The following GPC6 variants were observed in gnomAD, a reference collection of about 807,000 sequenced individuals.
GPC6 encodes the protein glypican-6.
GPC6 carries 14 observed loss-of-function variants against 55.2 expected under a neutral mutation model. The observed-to-expected ratio is 0.25, with a 90% CI of 0.17 to 0.40. The LOEUF (loss-of-function observed/expected upper bound fraction) is 0.40, where lower values mean the gene tolerates loss of function less well. Ranked by LOEUF, GPC6 falls within the 10% of genes least tolerant of loss-of-function variation. The pLI is 1.00. For synonymous variants in GPC6, 278 were observed against 259.6 expected, an observed-to-expected ratio of 1.07 and a Z score of -0.68; for missense variants, 641 against 708.5, an observed-to-expected ratio of 0.90 and a Z score of 1.08.
At chr13:93,552,954 AG>A (rs1409121577) in intron 2 of GPC6, among the ~76,000 whole-genome samples, 7 of 152,240 alleles carry the variant, frequency 4.6e-5, no homozygotes, top group Admixed American at 4.6e-4. Flanking sequence ...ATGAAAATCA[AG>A]AAAAAATATT....
At chr13:94,358,383 A>G (rs1347438432) in intron 6 of GPC6, among the ~76,000 whole-genome samples, 1 of 152,208 alleles carries the variant, frequency 6.6e-6, no homozygotes, top group Non-Finnish European at 1.5e-5. Context: ...TAAAGAAAAT[A>G]AAGACAGATT....
chr13:93,393,581 T>C (rs1052582332), intron 1 of GPC6, among the ~76,000 whole-genome samples: 10 of 152,190 alleles, frequency 6.6e-5, no homozygotes, highest in Admixed American at 2.6e-4. Flanking sequence ...CTTGAAAATA[T>C]ATGTTGCATA....
At chr13:93,669,665 G>A (rs941398196) in intron 2 of GPC6, among the ~76,000 whole-genome samples, 1 of 152,096 alleles carries the variant, frequency 6.6e-6, no homozygotes, top group Non-Finnish European at 1.5e-5. Flanking sequence ...AGGCCTGTGG[G>A]ATGGGCAGTG....
In GPC6 at chr13:94,229,173, A is replaced by G. The variant is rs145952791; in HGVS notation, c.878-57176A>G. Among the ~76,000 whole-genome samples the G allele has an allele frequency of 5.6e-3, 850 of 152,294 alleles. 14 individuals are homozygous for G. The highest frequency in any genetic ancestry group is 0.019 in the African/African-American group (804 of 41,578). On this transcript the variant is annotated intron_variant, in intron 4 of 8. Coordinates refer to ENST00000377047, the MANE Select transcript of GPC6 (RefSeq NM_005708.5). ...TCTCAAACACAGATGTGTTTGATACATTGTTATTTAACATACATTTAATTA... is the reference window on the plus strand; with the variant it reads ...TCTCAAACACAGATGTGTTTGATACGTTGTTATTTAACATACATTTAATTA...
intron 2 of GPC6, among the ~76,000 whole-genome samples, chr13:93,827,088 G>C (rs1887291633): frequency 6.6e-6 from 1 of 152,148 alleles, no homozygotes; most frequent in Middle Eastern, 3.2e-3. Flanking sequence ...TGAGGAAGAA[G>C]AAAAAATCAA....
intron 4 of GPC6, among the ~76,000 whole-genome samples, chr13:94,156,343 A>G (rs1427358908): frequency 1.3e-5 from 2 of 152,178 alleles, no homozygotes; most frequent in Non-Finnish European, 2.9e-5. Context: ...ATAGATCTGA[A>G]AGGGGTAATG....
At chr13:93,942,891 T>C (rs1385011075) in intron 3 of GPC6, among the ~76,000 whole-genome samples, 1 of 152,132 alleles carries the variant, frequency 6.6e-6, no homozygotes, top group Admixed American at 6.5e-5. Context: ...TGCTCAGATT[T>C]TTCTCTAGTT....
intron 4 of GPC6, among the ~76,000 whole-genome samples, chr13:94,150,283 C>T (rs569472456): frequency 1.3e-5 from 2 of 152,174 alleles, no homozygotes; most frequent in East Asian, 3.9e-4. Flanking sequence ...CATTTCTTGC[C>T]TGTATTATTG....
intron 4 of GPC6, among the ~76,000 whole-genome samples, chr13:94,248,265 C>T (rs1166838353): frequency 6.6e-6 from 1 of 152,144 alleles, no homozygotes; most frequent in Non-Finnish European, 1.5e-5. Context: ...ACTGATTTCT[C>T]TGTCCTCACC....
intron 3 of GPC6, among the ~76,000 whole-genome samples, chr13:93,896,977 T>C (rs1338014528): frequency 1.4e-5 from 2 of 138,396 alleles, no homozygotes; most frequent in Non-Finnish European, 3.1e-5. Flanking sequence ...GGTTTAAACC[T>C]CATTATTCTT....
intron 1 of GPC6, among the ~76,000 whole-genome samples, chr13:93,434,811 A>G (rs969971015): frequency 9.9e-5 from 15 of 152,176 alleles, no homozygotes; most frequent in African/African-American, 3.1e-4. Flanking sequence ...GGTTCAAACT[A>G]TTCTCCTGCC....
At chr13:93,457,941 A>T (rs1878527647) in intron 1 of GPC6, among the ~76,000 whole-genome samples, 1 of 152,204 alleles carries the variant, frequency 6.6e-6, no homozygotes, top group African/African-American at 2.4e-5. Flanking sequence ...GCCATTAATT[A>T]GTTCTCCTTT....
At chr13:93,231,336 T>G (rs1192498854) in intron 1 of GPC6, among the ~76,000 whole-genome samples, 965 of 45,692 alleles carry the variant, frequency 0.021, 33 homozygotes, top group African/African-American at 0.066. Flanking sequence ...TATACGTATA[T>G]ATATATATAC....
At chr13:93,428,043 G>A (rs1877214938) in intron 1 of GPC6, among the ~76,000 whole-genome samples, 1 of 152,014 alleles carries the variant, frequency 6.6e-6, no homozygotes, top group Admixed American at 6.6e-5. Context: ...TTTGAGTACA[G>A]CAAACTCAAT....
chr13:93,398,254 A>G lies in GPC6; in HGVS notation c.161-147009A>G, dbSNP rs554215872. On this transcript the variant is annotated intron_variant, in intron 1 of 8. Transcript: ENST00000377047. ...TCTTTTTATGTTTAAAAATCTCATC[A>G]CAGTCTCTCCCATTAAGCTTTCCTT... is the stretch of plus-strand genomic sequence containing the variant. 7.9e-5 allele frequency among the ~76,000 whole-genome samples: 12 copies of G among 152,326 alleles called. 1 individual carries two copies. The highest frequency in any genetic ancestry group is 2.9e-4 in the African/African-American group (12 of 41,570).
At chr13:93,728,528 A>C (rs1048505718) in intron 2 of GPC6, among the ~76,000 whole-genome samples, 1 of 151,294 alleles carries the variant, frequency 6.6e-6, no homozygotes, top group African/African-American at 2.4e-5. Context: ...GGTGTGAGCC[A>C]CCATACCCAG....
chr13:93,976,114 C>CT (rs1333205859), intron 3 of GPC6, among the ~76,000 whole-genome samples: 6 of 152,072 alleles, frequency 3.9e-5, no homozygotes, highest in Non-Finnish European at 7.4e-5. Flanking sequence ...ATTTAGCTGC[C>CT]TTTTTTCTGC....
At chr13:94,269,088 A>G (rs191293500) in intron 4 of GPC6, among the ~76,000 whole-genome samples, 33 of 152,290 alleles carry the variant, frequency 2.2e-4, no homozygotes, top group African/African-American at 7.7e-4. Context: ...TAGAATCAAG[A>G]AGATTAAATG....
upstream of GPC6, among the ~76,000 whole-genome samples, chr13:93,222,644 C>T (rs781483901): frequency 2.0e-5 from 3 of 152,200 alleles, no homozygotes; most frequent in South Asian, 2.1e-4. Context: ...CTGGGTTCCA[C>T]GATGCTACCT....
Sources: gnomAD v4.1 joint callset for allele counts (sites outside exome capture counted in the v4.1 genomes callset) on GRCh38, gnomAD v4.1.1 for gene constraint, MANE v1.5 for transcripts, NCBI Gene and HGNC (gene_info 2026-07-23, HGNC 2026-07-21) for gene names.